The following DPP6 variants were observed in gnomAD, a reference collection of about 807,000 sequenced individuals.
DPP6 encodes A-type potassium channel modulatory protein DPP6.
Under a neutral mutation model 122.6 loss-of-function variants are expected in DPP6, and 69 were observed. The observed-to-expected ratio is 0.56, with a 90% CI of 0.46 to 0.69. The LOEUF (loss-of-function observed/expected upper bound fraction) is 0.69, where lower values mean the gene tolerates loss of function less well. Ranked by LOEUF, DPP6 falls within the 30% of genes least tolerant of loss-of-function variation. DPP6 has a pLI of 0.00. For missense variants in DPP6, 928 were observed against 1,116.9 expected (o/e 0.83, Z 2.41); for synonymous variants, 418 against 433.1 (o/e 0.97, Z 0.43).
chr7:153,809,172 C>G, the DPP6 span, among the ~76,000 whole-genome samples: 3 of 152,088 alleles, frequency 2.0e-5, no homozygotes, highest in African/African-American at 7.3e-5. Context: ...TAATATACAC[C>G]TGTTGCATCT....
chr7:153,973,827 T>C (rs1244118728), intron 1 of DPP6, among the ~76,000 whole-genome samples: 2 of 147,258 alleles, frequency 1.4e-5, no homozygotes, highest in East Asian at 3.9e-4. Flanking sequence ...AGAGTACCTG[T>C]AATATTTTGC....
In DPP6 at chr7:154,282,315, C is replaced by T. The variant is rs1184703432; in HGVS notation, c.244-163899C>T. 6.6e-6 allele frequency among the ~76,000 whole-genome samples: 1 copy of T among 152,174 alleles called. No individual in the cohort carries two copies. Among genetic ancestry groups the T allele is most frequent in the Non-Finnish European group, 1.5e-5 (1 of 68,032 alleles). On this transcript the variant is annotated intron_variant, in intron 1 of 25. Transcript: ENST00000377770. The surrounding 1 kb of genome is among the most constrained non-coding windows in gnomAD (Gnocchi z 4.8). ...AGCCTGCATGCAGGGACATGCTTCT[C>T]AGGTGGCCTCTGGATACACGTGTCC...
chr7:154,625,770 C>G (rs1234154667), intron 5 of DPP6, among the ~76,000 whole-genome samples: 2 of 152,220 alleles, frequency 1.3e-5, no homozygotes, highest in Admixed American at 1.3e-4. Flanking sequence ...TGGGGCAAGC[C>G]CCCTGTGCCT....
the DPP6 span, among the ~76,000 whole-genome samples, chr7:153,869,138 G>A: frequency 1.2e-4 from 18 of 152,310 alleles, no homozygotes; most frequent in Admixed American, 9.2e-4. Context: ...GTTGATTTGG[G>A]GTGGAGAGTT....
chr7:154,113,856 T>A (rs932412965), intron 1 of DPP6, among the ~76,000 whole-genome samples: 1 of 152,248 alleles, frequency 6.6e-6, no homozygotes, highest in African/African-American at 2.4e-5. Context: ...CCATCATGTA[T>A]TATTGGCACT....
chr7:153,979,713 C>T (rs1280826879), intron 1 of DPP6, among the ~76,000 whole-genome samples: 26 of 152,072 alleles, frequency 1.7e-4, no homozygotes, highest in Non-Finnish European at 2.8e-4. Flanking sequence ...TTTTGAGATA[C>T]GTCCCATCAA....
At chr7:154,263,832 AGGTGCCCACTACCACACAC>A (rs1316803351) in intron 1 of DPP6, among the ~76,000 whole-genome samples, 1 of 152,144 alleles carries the variant, frequency 6.6e-6, no homozygotes, top group African/African-American at 2.4e-5. Context: ...CTGGGATTAC[AGGTGCCCACTACCACACAC>A]GGCTAATTTT....
chr7:154,383,324 A>T (rs566664807), intron 1 of DPP6, among the ~76,000 whole-genome samples: 3 of 152,128 alleles, frequency 2.0e-5, no homozygotes, highest in Non-Finnish European at 4.4e-5. Context: ...CATAAAATAC[A>T]ATTTCCTGTT....
In DPP6 at chr7:154,174,692, T is replaced by A. The variant is rs183032333; in HGVS notation, c.243+121629T>A. Among the ~76,000 whole-genome samples, 1,235 of 152,312 alleles carry A rather than the reference T, an allele frequency of 8.1e-3. 16 individuals are homozygous for A. Among genetic ancestry groups the A allele is most frequent in the African/African-American group, 0.027 (1,138 of 41,562 alleles). ...GCAGACAAATCGATATCTCCAAGGTTAAACAATTTATTTTTGTATATTTTT... is the reference window on the plus strand; with the variant it reads ...GCAGACAAATCGATATCTCCAAGGTAAAACAATTTATTTTTGTATATTTTT... On this transcript the variant is annotated intron_variant, in intron 1 of 25. Transcript: ENST00000377770.
At position 154,624,250 on chromosome 7, in the gene DPP6, C is replaced by G. The variant is rs1179230739; in HGVS notation, c.628-13571C>G. ...GGCTGAGGCAGAGAATTGCTTGAACCCGGGAGGCAGAGGTTGCAGTGAGCC... is the reference window on the plus strand; with the variant it reads ...GGCTGAGGCAGAGAATTGCTTGAACGCGGGAGGCAGAGGTTGCAGTGAGCC... On this transcript the variant is annotated intron_variant, in intron 5 of 25. Coordinates refer to ENST00000377770, the MANE Select transcript of DPP6 (RefSeq NM_130797.4). This position sits in a 1 kb window ranked among gnomAD's most constrained non-coding sequence, Gnocchi z 4.7. Among the ~76,000 whole-genome samples, 3 of 151,716 alleles carry G rather than the reference C, an allele frequency of 2.0e-5. No homozygotes were observed. The highest frequency in any genetic ancestry group is 7.3e-5 in the African/African-American group (3 of 41,240).
intron 1 of DPP6, among the ~76,000 whole-genome samples, chr7:154,363,349 G>C (rs1163677495): frequency 1.3e-5 from 2 of 152,224 alleles, no homozygotes; most frequent in Non-Finnish European, 2.9e-5. Flanking sequence ...TTTTATTCCA[G>C]TTTGTCCCCA....
chr7:153,857,354 C>T, the DPP6 span, among the ~76,000 whole-genome samples: 1 of 149,284 alleles, frequency 6.7e-6, no homozygotes, highest in African/African-American at 2.4e-5. Flanking sequence ...CTCTCTCTCT[C>T]TCTCTCAGCA....
At chr7:154,501,310 G>A (rs2151412113) in intron 3 of DPP6, among the ~76,000 whole-genome samples, 2 of 116,854 alleles carry the variant, frequency 1.7e-5, no homozygotes, top group Middle Eastern at 9.9e-3. Flanking sequence ...ATTTGCATAA[G>A]TAATGAGGAG....
chr7:154,437,330 T>C (rs1818957363), intron 1 of DPP6, among the ~76,000 whole-genome samples: 2 of 152,230 alleles, frequency 1.3e-5, no homozygotes, highest in Non-Finnish European at 2.9e-5. Flanking sequence ...ACAGCTTTCT[T>C]TTTGAGTAAT....
intron 5 of DPP6, among the ~76,000 whole-genome samples, chr7:154,583,635 G>A (rs1257426836): frequency 1.3e-5 from 2 of 152,146 alleles, no homozygotes; most frequent in Non-Finnish European, 2.9e-5. Context: ...ACACTGACTC[G>A]GGACCCAGCC....
At chr7:154,340,388 A>G (rs563581105) in intron 1 of DPP6, among the ~76,000 whole-genome samples, 20 of 152,310 alleles carry the variant, frequency 1.3e-4, no homozygotes, top group African/African-American at 4.8e-4. Flanking sequence ...ACAGGTGTCC[A>G]TTGGGTCCTT....
At chr7:153,804,053 C>CTT in the DPP6 span, among the ~76,000 whole-genome samples, 4,649 of 145,416 alleles carry the variant, frequency 0.032, 223 homozygotes, top group African/African-American at 0.11. Flanking sequence ...ATCCCTAGTA[C>CTT]TTTTTTTTTT....
chr7:154,877,028 C>T lies in DPP6; in HGVS notation c.2078+928C>T, dbSNP rs1484087986. 1 of 152,208 alleles carries T rather than the reference C, an allele frequency of 6.6e-6. No homozygotes were observed. The highest frequency in any genetic ancestry group is 2.4e-5 in the African/African-American group (1 of 41,450). 9.4% of individuals were successfully genotyped at this position (152,208 alleles called of 1,614,324 possible). On this transcript the variant is annotated intron_variant, in intron 20 of 25. Transcript: ENST00000377770. This position sits in a 1 kb window ranked among gnomAD's most constrained non-coding sequence, Gnocchi z 5.2. ...CACAAGGAGGGTGGAGCACAGAGCCCAGCTCAGTACATGTTTATTGACTGG... is the reference window on the plus strand; with the variant it reads ...CACAAGGAGGGTGGAGCACAGAGCCTAGCTCAGTACATGTTTATTGACTGG...
intron 1 of DPP6, among the ~76,000 whole-genome samples, chr7:154,371,572 G>A (rs540963186): frequency 2.0e-5 from 3 of 152,008 alleles, no homozygotes; most frequent in Non-Finnish European, 4.4e-5. Flanking sequence ...TCTCACTGGC[G>A]AAGGCCCACT....
Sources: allele counts gnomAD v4.1 joint callset (sites outside exome capture counted in the v4.1 genomes callset), GRCh38; gene constraint gnomAD v4.1.1; non-coding constraint Gnocchi (gnomAD v3.1); transcripts MANE v1.5; gene names NCBI Gene and HGNC (gene_info 2026-07-23, HGNC 2026-07-21).